The following NBAS variants were observed in gnomAD, a reference collection of about 807,000 sequenced individuals.
NBAS encodes NAG/BC035112 fusion.
NBAS carries 219 observed loss-of-function variants against 302.5 expected under a neutral mutation model. That is an observed-to-expected ratio of 0.72 (90% confidence interval 0.65 to 0.81). The LOEUF (loss-of-function observed/expected upper bound fraction) is 0.81. Among genes scored for constraint, NBAS ranks in the 30% least tolerant of loss-of-function variants. The pLI, the probability that NBAS is intolerant of heterozygous loss-of-function variation, is 0.00. For synonymous variants in NBAS, 1,118 were observed against 1,021.6 expected (o/e 1.09, Z -1.80); for missense variants, 2,932 against 2,841.6 (o/e 1.03, Z -0.72).
Position 15,556,817 on chromosome 2 carries a change from G to T in NBAS, c.175C>A (p.Arg59Ser), listed in dbSNP as rs1235365258. The change falls in exon 3 of 52, where the codon CGT becomes AGT. Residue 59 changes from arginine to serine, a missense_variant and splice_region_variant. Arg to Ser is a moderately radical substitution (Grantham distance 110, BLOSUM62 -1). Coordinates refer to ENST00000281513, the MANE Select transcript of NBAS (RefSeq NM_015909.4). ...ATGTATTGGCGTAAAAATAATAAAC[G>T]ATCTGTAATCAAAAGAAATGGCAAA... is the stretch of plus-strand genomic sequence containing the variant. ...SFIITKAIRDRLLFLRQYIWY... is the reference protein window; with the variant it reads ...SFIITKAIRDSLLFLRQYIWY... The T allele has an allele frequency of 1.2e-6, 2 of 1,609,630 alleles. No homozygotes were observed. The highest frequency in any genetic ancestry group is 1.7e-6 in the Non-Finnish European group (2 of 1,176,568).
the NBAS span, among the ~76,000 whole-genome samples, chr2:14,802,603 A>G: frequency 7.9e-5 from 12 of 151,204 alleles, no homozygotes; most frequent in Non-Finnish European, 1.2e-4. Context: ...TGTTTATTGC[A>G]GCATTATTCA....
chr2:15,014,847 A>T, the NBAS span, among the ~76,000 whole-genome samples: 3 of 151,964 alleles, frequency 2.0e-5, no homozygotes, highest in African/African-American at 7.2e-5. Flanking sequence ...AATGAAACAA[A>T]AAGTTGGTTT....
the NBAS span, among the ~76,000 whole-genome samples, chr2:14,951,454 C>T: frequency 9.2e-5 from 14 of 152,246 alleles, no homozygotes; most frequent in African/African-American, 3.1e-4. Context: ...CAATTACCCA[C>T]GTCTGGATTA....
At chr2:15,354,365 T>G (rs1175292138) in intron 33 of NBAS, among the ~76,000 whole-genome samples, 1 of 152,212 alleles carries the variant, frequency 6.6e-6, no homozygotes, top group Non-Finnish European at 1.5e-5. Context: ...TTATTCTTAT[T>G]TGAAGGAATT....
chr2:15,477,217 T>A (rs1437098633), intron 13 of NBAS, among the ~76,000 whole-genome samples: 2 of 152,206 alleles, frequency 1.3e-5, no homozygotes, highest in Non-Finnish European at 2.9e-5. Context: ...TGGAACCTGA[T>A]GCATAATATT....
At chr2:15,373,542 G>T (rs1674585634) in intron 31 of NBAS, among the ~76,000 whole-genome samples, 1 of 152,076 alleles carries the variant, frequency 6.6e-6, no homozygotes, top group African/African-American at 2.4e-5. Flanking sequence ...TGTTGCCCAG[G>T]CTGGTCTCAA....
At chr2:14,791,980 T>C in the NBAS span, among the ~76,000 whole-genome samples, 1 of 151,996 alleles carries the variant, frequency 6.6e-6, no homozygotes, top group Non-Finnish European at 1.5e-5. Context: ...AGAAACCTAA[T>C]TTAGAGGGTG....
chr2:14,807,454 AGTGTGTGTGTGTGTGTGT>A, the NBAS span, among the ~76,000 whole-genome samples: 1 of 147,342 alleles, frequency 6.8e-6, no homozygotes, highest in East Asian at 2.0e-4. Flanking sequence ...TGTGTGTGTG[AGTGTGTGTGTGTGTGTGT>A]GTGTGTGTGT....
At chr2:15,462,149 C>G (rs1052582669) in intron 19 of NBAS, among the ~76,000 whole-genome samples, 1 of 152,248 alleles carries the variant, frequency 6.6e-6, no homozygotes, top group Non-Finnish European at 1.5e-5. Context: ...AGTTTCACCA[C>G]TGCTAGGGTG....
intron 41 of NBAS, among the ~76,000 whole-genome samples, chr2:15,291,866 C>A (rs767700710): frequency 6.6e-6 from 1 of 152,096 alleles, no homozygotes; most frequent in Non-Finnish European, 1.5e-5. Flanking sequence ...CGCCCCTGAT[C>A]ACATGTTATT....
chr2:14,905,901 C>T, the NBAS span, among the ~76,000 whole-genome samples: 12 of 152,192 alleles, frequency 7.9e-5, no homozygotes, highest in Admixed American at 7.9e-4. Flanking sequence ...TCTCTAAACT[C>T]TCAGCGCACT....
intron 12 of NBAS, among the ~76,000 whole-genome samples, chr2:15,485,130 C>T (rs905037287): frequency 5.3e-5 from 8 of 151,974 alleles, no homozygotes; most frequent in Non-Finnish European, 1.0e-4. Flanking sequence ...CAATGAGAGG[C>T]TTCCCCAATT....
At chr2:15,178,779 T>A (rs1211827321) in intron 51 of NBAS, among the ~76,000 whole-genome samples, 2 of 152,104 alleles carry the variant, frequency 1.3e-5, no homozygotes, top group East Asian at 1.9e-4. Context: ...AAACACTGAA[T>A]CTGGTTCACG....
At chr2:15,321,660 A>G (rs1204793500) in intron 38 of NBAS, among the ~76,000 whole-genome samples, 3 of 152,334 alleles carry the variant, frequency 2.0e-5, no homozygotes, top group Middle Eastern at 3.4e-3. Context: ...ATCACTGGCC[A>G]TCAGAGAAAT....
chr2:15,054,367 C>T, the NBAS span, among the ~76,000 whole-genome samples: 1 of 152,160 alleles, frequency 6.6e-6, no homozygotes, highest in East Asian at 1.9e-4. Flanking sequence ...AAAGTTCTAC[C>T]ACTATCTACT....
chr2:14,848,409 C>T, the NBAS span, among the ~76,000 whole-genome samples: 6 of 141,320 alleles, frequency 4.2e-5, no homozygotes, highest in African/African-American at 1.5e-4. Flanking sequence ...TATCCCACAC[C>T]TGGCTCGGAG....
At chr2:15,345,432 G>C (rs1254361214) in intron 35 of NBAS, among the ~76,000 whole-genome samples, 1 of 151,942 alleles carries the variant, frequency 6.6e-6, no homozygotes, top group Non-Finnish European at 1.5e-5. Context: ...AAATACCTAG[G>C]ATACAGTTAA....
the NBAS span, among the ~76,000 whole-genome samples, chr2:14,970,511 G>T: frequency 2.0e-5 from 3 of 152,140 alleles, no homozygotes; most frequent in Non-Finnish European, 4.4e-5. Flanking sequence ...AAACAGACAC[G>T]CCTGGTTTAA....
rs771994274 is a variant in NBAS, at chr2:15,351,946, C to T, written c.4179+46G>A. 12 of 1,413,470 alleles carry T rather than the reference C, an allele frequency of 8.5e-6. No individual in the cohort carries two copies. The South Asian group carries it at 1.4e-4, about 16-fold the overall frequency. The allele number at this position is 1,413,470 out of a possible 1,614,324, so 87.6% of individuals were successfully genotyped here. A position where few individuals can be genotyped will look rare whatever the true frequency, so the allele number is the denominator to read the frequency against. On this transcript the variant is annotated intron_variant, in intron 35 of 51. Coordinates refer to ENST00000281513, the MANE Select transcript of NBAS (RefSeq NM_015909.4). The stretch of plus-strand genomic sequence containing the variant: ...CAAGGTTAGGTAATCCCACTTTATT[C>T]CACTCTCAGCCACCTTTCAAACTCC...
Sources: gnomAD v4.1 joint callset for allele counts (sites outside exome capture counted in the v4.1 genomes callset) on GRCh38, gnomAD v4.1.1 for gene constraint, MANE v1.5 for transcripts, NCBI Gene and HGNC (gene_info 2026-07-23, HGNC 2026-07-21) for gene names.